Variants in DNAJC1 observed in about 807,000 individuals in gnomAD.
DNAJC1 encodes dnaJ homolog subfamily C member 1.
A neutral mutation model predicts 76.6 loss-of-function variants in DNAJC1; 58 were observed. The ratio of observed to expected loss-of-function variants is 0.76; its 90% CI spans 0.61 to 0.94. The LOEUF (loss-of-function observed/expected upper bound fraction) is 0.94, where lower values mean the gene tolerates loss of function less well. Among genes scored for constraint, DNAJC1 ranks in the 40% least tolerant of loss-of-function variants. The pLI is 0.00. For missense variants in DNAJC1, 689 were observed against 677.3 expected (o/e 1.02, Z -0.19); for synonymous variants, 258 against 267.9 (o/e 0.96, Z 0.36).
intron 9 of DNAJC1, among the ~76,000 whole-genome samples, chr10:21,805,153 T>C (rs1834868573): frequency 6.6e-6 from 1 of 152,120 alleles, no homozygotes; most frequent in South Asian, 2.1e-4. Flanking sequence ...ATTTAAATCT[T>C]TGCTTTCAGT....
rs888329918 is a variant in DNAJC1, at chr10:21,806,053, A to G, written c.1025T>C (p.Met342Thr). The G allele has an allele frequency of 1.4e-5, 23 of 1,612,056 alleles. No individual in the cohort carries two copies. Among genetic ancestry groups the G allele is most frequent in the Middle Eastern group, 2.0e-4 (1 of 4,908 alleles). The stretch of plus-strand genomic sequence containing the variant: ...TGGAGTCCCTCCTGGGAACTTAACC[A>G]TACTTCTTGTCAGTTGGCTGAGGTC... ...EEDLSQLTRS[M>T]VKFPGGTPGR... The change falls in exon 9 of 12, where the codon ATG becomes ACG. Residue 342 changes from methionine (M) to threonine (T), a missense_variant. By Grantham distance (81) the Met-to-Thr change is moderately conservative (BLOSUM62 -1). Coordinates refer to ENST00000376980, the MANE Select transcript of DNAJC1 (RefSeq NM_022365.4).
At chr10:21,788,689 TAG>T (rs1369498606) in intron 9 of DNAJC1, among the ~76,000 whole-genome samples, 1 of 152,146 alleles carries the variant, frequency 6.6e-6, no homozygotes, top group Non-Finnish European at 1.5e-5. Flanking sequence ...TCCCAGATTG[TAG>T]AGTTACCACT....
intron 1 of DNAJC1, among the ~76,000 whole-genome samples, chr10:21,979,914 T>C (rs1838125803): frequency 6.6e-6 from 1 of 151,994 alleles, no homozygotes; most frequent in East Asian, 1.9e-4. Flanking sequence ...ACTGCATATG[T>C]CTGCTCCTAT....
chr10:21,777,470 G>C (rs1329513869), intron 9 of DNAJC1, among the ~76,000 whole-genome samples: 2 of 152,176 alleles, frequency 1.3e-5, no homozygotes, highest in Non-Finnish European at 2.9e-5. Context: ...GTACCTGTGA[G>C]AGCCACTGCT....
chr10:21,907,743 C>A (rs1836769666), intron 6 of DNAJC1, among the ~76,000 whole-genome samples: 1 of 151,176 alleles, frequency 6.6e-6, no homozygotes, highest in Non-Finnish European at 1.5e-5. Flanking sequence ...TCGGGAAGCC[C>A]AGGTGGGCGG....
intron 8 of DNAJC1, among the ~76,000 whole-genome samples, chr10:21,881,759 T>C (rs770250043): frequency 7.0e-6 from 1 of 143,790 alleles, no homozygotes; most frequent in Admixed American, 7.4e-5. Context: ...AAATGTTATA[T>C]AGAGACACAA....
At chr10:21,792,623 G>C (rs1834703651) in intron 9 of DNAJC1, among the ~76,000 whole-genome samples, 1 of 152,018 alleles carries the variant, frequency 6.6e-6, no homozygotes, top group Non-Finnish European at 1.5e-5. Flanking sequence ...GCCAGGCATA[G>C]TGGCAGGCGC....
intron 3 of DNAJC1, among the ~76,000 whole-genome samples, chr10:21,923,081 G>C (rs1301813831): frequency 1.3e-5 from 2 of 151,822 alleles, no homozygotes; most frequent in Non-Finnish European, 3.0e-5. Flanking sequence ...CGTACAAATT[G>C]TATTTGGTGT....
At chr10:21,789,192 C>T (rs1834650668) in intron 9 of DNAJC1, among the ~76,000 whole-genome samples, 1 of 152,190 alleles carries the variant, frequency 6.6e-6, no homozygotes, top group South Asian at 2.1e-4. Flanking sequence ...AAAGAATTAA[C>T]AACCTATGCT....
intron 1 of DNAJC1, among the ~76,000 whole-genome samples, chr10:21,972,249 A>G (rs1012491703): frequency 3.9e-5 from 6 of 151,998 alleles, no homozygotes; most frequent in Non-Finnish European, 8.8e-5. Context: ...CAATTTCCAT[A>G]CTTATTTTAT....
intron 8 of DNAJC1, among the ~76,000 whole-genome samples, chr10:21,840,777 A>G (rs1590008806): frequency 6.6e-6 from 1 of 152,338 alleles, no homozygotes; most frequent in East Asian, 1.9e-4. Context: ...TGGAACCAAA[A>G]AAGAGCCTGC....
At chr10:21,877,491 C>CA (rs1836206047) in intron 8 of DNAJC1, among the ~76,000 whole-genome samples, 1 of 151,812 alleles carries the variant, frequency 6.6e-6, no homozygotes, top group South Asian at 2.1e-4. Context: ...GTCTTAAAAA[C>CA]AAAAAGGCAA....
Position 21,756,631 on chromosome 10 carries a change from A to C in DNAJC1, c.*56T>G, listed in dbSNP as rs183884450. 1.3e-4 allele frequency: 184 copies of C among 1,386,198 alleles called. No individual in the cohort carries two copies. The African/African-American group carries it at 2.5e-3, about 19-fold the overall frequency. The allele number at this position is 1,386,198 out of a possible 1,614,324, so 85.9% of individuals were successfully genotyped here. A position where few individuals can be genotyped will look rare whatever the true frequency, so the allele number is the denominator to read the frequency against. ...GGTACAAAATGCAAATTTCTGCATA[A>C]GATTTTTAAGATATTCATTTTGGAA... On this transcript the variant is annotated 3_prime_UTR_variant, in exon 12 of 12. Coordinates refer to ENST00000376980, the MANE Select transcript of DNAJC1 (RefSeq NM_022365.4).
chr10:21,868,076 C>CAAA (rs775127374), intron 8 of DNAJC1, among the ~76,000 whole-genome samples: 1 of 21,224 alleles, frequency 4.7e-5, no homozygotes, highest in Admixed American at 4.4e-4. Context: ...ATTCTGTCTC[C>CAAA]AAAAAAAAAA....
At chr10:21,875,070 G>A (rs1279714053) in intron 8 of DNAJC1, among the ~76,000 whole-genome samples, 1 of 152,014 alleles carries the variant, frequency 6.6e-6, no homozygotes, top group East Asian at 1.9e-4. Flanking sequence ...TAGTAGAGAC[G>A]GCCTTTCACC....
At chr10:21,816,791 C>G (rs557605937) in intron 8 of DNAJC1, among the ~76,000 whole-genome samples, 1 of 143,942 alleles carries the variant, frequency 6.9e-6, no homozygotes, top group African/African-American at 2.5e-5. Context: ...GTGATCCACC[C>G]GCCTTGGCCT....
At chr10:21,799,141 T>G (rs910173871) in intron 9 of DNAJC1, among the ~76,000 whole-genome samples, 1 of 152,218 alleles carries the variant, frequency 6.6e-6, no homozygotes, top group South Asian at 2.1e-4. Context: ...ATGTAAGATA[T>G]TACATAATTA....
chr10:21,981,855 C>T (rs1297074280), intron 1 of DNAJC1, among the ~76,000 whole-genome samples: 6 of 152,122 alleles, frequency 3.9e-5, no homozygotes, highest in African/African-American at 7.2e-5. Context: ...TCCTTTGCAT[C>T]GTCCAATTTT....
At chr10:21,812,914 G>C (rs1010490361) in intron 8 of DNAJC1, among the ~76,000 whole-genome samples, 7 of 151,388 alleles carry the variant, frequency 4.6e-5, no homozygotes, top group African/African-American at 1.7e-4. Context: ...TAATGCCCTT[G>C]TGCAGTCTCC....
Sources: gnomAD v4.1 joint callset for allele counts (sites outside exome capture counted in the v4.1 genomes callset) on GRCh38, gnomAD v4.1.1 for gene constraint, MANE v1.5 for transcripts, NCBI Gene and HGNC (gene_info 2026-07-23, HGNC 2026-07-21) for gene names.